Variants in PSMD11 observed in about 807,000 individuals in gnomAD.
The protein encoded by PSMD11 is 26S proteasome non-ATPase regulatory subunit 11.
PSMD11 carries 5 observed loss-of-function variants against 62.3 expected under a neutral mutation model. The ratio of observed to expected loss-of-function variants is 0.08; its 90% CI spans 0.04 to 0.17. The LOEUF is 0.17. Ranked by LOEUF, PSMD11 falls within the 10% of genes least tolerant of loss-of-function variation. PSMD11 has a pLI of 1.00. For missense variants in PSMD11, 310 were observed against 512.9 expected (o/e 0.60, Z 3.82); for synonymous variants, 191 against 191.8 (o/e 1.00, Z 0.03).
At chr17:32,477,779 A>G (rs919677734) in intron 9 of PSMD11, 196 bp downstream of exon 9, 6 of 387,492 alleles carry the variant, frequency 1.5e-5, no homozygotes, top group Middle Eastern at 6.8e-4. Context: ...GTTGATATAA[A>G]ATATATATTA....
At chr17:32,454,708 T>C (rs746067171) in intron 3 of PSMD11, 89 bp downstream of exon 3, 1 of 1,420,190 alleles carries the variant, frequency 7.0e-7, no homozygotes, top group South Asian at 1.3e-5. Context: ...AGTACTAATG[T>C]GGAAGGGAAA....
intron 2 of PSMD11, among the ~76,000 whole-genome samples, chr17:32,453,653 G>C (rs917619692): frequency 1.3e-5 from 2 of 152,168 alleles, no homozygotes; most frequent in Non-Finnish European, 2.9e-5. Context: ...GAATATTAAA[G>C]AGGCAGTGGC....
At chr17:32,444,768 C>A in intron 1 of PSMD11, 154 bp downstream of exon 1, 1 of 797,200 alleles carries the variant, frequency 1.3e-6, no homozygotes, top group East Asian at 2.8e-5. Context: ...CTCGGAGCTC[C>A]CCAGAGCCTC....
At chr17:32,473,731 G>A (rs1207678493) in intron 6 of PSMD11, 70 bp from the exon 7 acceptor site, 1 of 1,537,504 alleles carries the variant, frequency 6.5e-7, no homozygotes, top group African/African-American at 1.4e-5. Flanking sequence ...TGTCTAAGCT[G>A]CCTCCCAGCT....
chr17:32,450,438 T>TC (rs1907458563), intron 2 of PSMD11, among the ~76,000 whole-genome samples: 1 of 150,154 alleles, frequency 6.7e-6, no homozygotes, highest in African/African-American at 2.4e-5. Context: ...TTTTTTTTTT[T>TC]TTTCTTTTAG....
Position 32,479,371 on chromosome 17 carries a change from G to A in PSMD11, c.1033G>A (p.Val345Ile). The A allele has an allele frequency of 6.2e-7, 1 of 1,614,068 alleles. No individual in the cohort carries two copies. ...LIRVIEPFSR[V>I]QIEHISSLIK... ...CCGAGTCATTGAGCCTTTTTCCAGA[G>A]TACAGGTGAGAACCCTCTGGGGACT... The change falls in exon 10 of 14, where the codon GTA (valine) becomes ATA (isoleucine). Residue 345 changes from valine to isoleucine, a missense_variant. By Grantham distance (29) the Val-to-Ile change is conservative. This residue lies in a region of PSMD11 where 135 missense variants were observed against 195.4 expected (regional missense o/e 0.69). Transcript: ENST00000261712.
At chr17:32,464,704 G>C (rs552793034) in intron 5 of PSMD11, 126 bp downstream of exon 5, 1 of 662,200 alleles carries the variant, frequency 1.5e-6, no homozygotes, top group Non-Finnish European at 2.3e-6. Flanking sequence ...ATTTAAAGTA[G>C]CTTACAGTTC....
intron 5 of PSMD11, among the ~76,000 whole-genome samples, chr17:32,468,479 A>G (rs1908060732): frequency 6.6e-6 from 1 of 152,148 alleles, no homozygotes; most frequent in South Asian, 2.1e-4. Context: ...TATGTCTTTG[A>G]TCCATTTTGA....
At chr17:32,444,725 G>C (rs558650386) in intron 1 of PSMD11, 111 bp downstream of exon 1, 376 of 1,354,988 alleles carry the variant, frequency 2.8e-4, no homozygotes, top group Non-Finnish European at 3.5e-4. Flanking sequence ...CTGACTCACT[G>C]TGTGAGGGGG....
rs533441058 is a variant in PSMD11 at position 32,459,630 on chromosome 17, C to T, written c.319-4419C>T. ...TACATTCGTTTAGGTAACTCAAGGT[C>T]TCTGACTTGGGGAAATAGGATATAA... is the stretch of plus-strand genomic sequence containing the variant. On this transcript the variant is annotated intron_variant, in intron 3 of 13. Coordinates refer to ENST00000261712, the MANE Select transcript of PSMD11 (RefSeq NM_002815.4). 3.9e-5 allele frequency among the ~76,000 whole-genome samples: 6 copies of T among 152,190 alleles called. No individual in the cohort carries two copies. The South Asian group carries it at 1.0e-3, about 26-fold the overall frequency.
intron 3 of PSMD11, among the ~76,000 whole-genome samples, chr17:32,460,339 A>T (rs1907788934): frequency 6.6e-6 from 1 of 152,130 alleles, no homozygotes. Context: ...TGGATTACGG[A>T]TGTGAGTCAC....
At chr17:32,446,302 T>C (rs1315738647) in intron 1 of PSMD11, among the ~76,000 whole-genome samples, 1 of 152,190 alleles carries the variant, frequency 6.6e-6, no homozygotes, top group African/African-American at 2.4e-5. Flanking sequence ...CTGTTGAAAA[T>C]AGGACAGATA....
intron 6 of PSMD11, among the ~76,000 whole-genome samples, chr17:32,469,528 ACTCTT>A (rs1233282103): frequency 5.9e-5 from 9 of 152,188 alleles, no homozygotes; most frequent in African/African-American, 1.9e-4. Flanking sequence ...AAGTCTGTTG[ACTCTT>A]GGAGATCTTT....
At position 32,477,529 on chromosome 17, in the gene PSMD11, A is replaced by G; in HGVS notation, c.858A>G (p.Ala286=). Residue 286 remains alanine (A), a synonymous_variant, in exon 9 of 14, where the codon GCA becomes GCG. Transcript: ENST00000261712. ...ALRYAGRQTE[A]LKCVAQASKN... ...TGTCTCTTTATTCTCAGACAGAAGC[A>G]TTAAAATGCGTGGCTCAGGCTAGCA... 6.2e-7 allele frequency: 1 copy of G among 1,605,816 alleles called. No individual in the cohort carries two copies. Among genetic ancestry groups the G allele is most frequent in the Non-Finnish European group, 8.5e-7 (1 of 1,176,664 alleles).
At chr17:32,474,088 C>A in intron 7 of PSMD11, 143 bp downstream of exon 7, 1 of 968,302 alleles carries the variant, frequency 1.0e-6, no homozygotes, top group South Asian at 1.6e-5. Context: ...TAAGGTAGAG[C>A]GGGAGGATCA....
chr17:32,451,573 T>C (rs1475772837), intron 2 of PSMD11, among the ~76,000 whole-genome samples: 1 of 152,208 alleles, frequency 6.6e-6, no homozygotes, highest in Non-Finnish European at 1.5e-5. Flanking sequence ...CACTGTGTGC[T>C]GCACATTGAA....
At chr17:32,467,998 G>A (rs750858079) in intron 5 of PSMD11, among the ~76,000 whole-genome samples, 3 of 151,974 alleles carry the variant, frequency 2.0e-5, no homozygotes, top group Admixed American at 6.6e-5. Flanking sequence ...GTTCCCCTCC[G>A]CGTTCAGGTA....
intron 1 of PSMD11, 80 bp from the exon 2 acceptor site, chr17:32,446,865 G>C (rs1465554407): frequency 1.3e-6 from 1 of 746,874 alleles, no homozygotes; most frequent in Non-Finnish European, 2.1e-6. Flanking sequence ...AGTTTGTAAT[G>C]GATCTTATGA....
chr17:32,464,013 A>C, intron 3 of PSMD11, 36 bp from the exon 4 acceptor site: 1 of 1,578,084 alleles, frequency 6.3e-7, no homozygotes, highest in South Asian at 1.1e-5. Flanking sequence ...GAATTTGAGG[A>C]CATAATGTTG....
Sources: allele counts gnomAD v4.1 joint callset (sites outside exome capture counted in the v4.1 genomes callset), GRCh38; gene constraint gnomAD v4.1.1; regional missense constraint gnomAD v4.1.1; transcripts MANE v1.5; gene names NCBI Gene and HGNC (gene_info 2026-07-23, HGNC 2026-07-21).